The following RABGAP1L variants were observed in gnomAD, a reference collection of about 807,000 sequenced individuals.
The protein encoded by RABGAP1L is RAB GTPase activating protein 1 like, also known as rab GTPase-activating protein 1-like.
Under a neutral mutation model 137.7 loss-of-function variants are expected in RABGAP1L, and 63 were observed. The ratio of observed to expected loss-of-function variants is 0.46; its 90% CI spans 0.37 to 0.56. The LOEUF (loss-of-function observed/expected upper bound fraction) is 0.56, where lower values mean the gene tolerates loss of function less well. RABGAP1L is among the 20% of genes least tolerant of loss of function. The pLI is 0.00. For missense variants in RABGAP1L, 1,095 were observed against 1,244.0 expected (o/e 0.88, Z 1.80); for synonymous variants, 431 against 433.7 (o/e 0.99, Z 0.08).
At chr1:174,312,195 AT>A (rs1368851532) in intron 11 of RABGAP1L, among the ~76,000 whole-genome samples, 1 of 152,164 alleles carries the variant, frequency 6.6e-6, no homozygotes. Context: ...GGTTGTACTA[AT>A]TTACATTTCC....
chr1:174,938,672 A>G (rs1473935227), intron 19 of RABGAP1L: 4 of 152,204 alleles, frequency 2.6e-5, no homozygotes, highest in Admixed American at 6.5e-5. Context: ...TAGGGAAAAC[A>G]TCATTTAAAA....
At chr1:174,688,279 C>A (rs1411998282) in intron 15 of RABGAP1L, among the ~76,000 whole-genome samples, 2 of 151,860 alleles carry the variant, frequency 1.3e-5, no homozygotes, top group Non-Finnish European at 2.9e-5. Context: ...AATTTTTCTA[C>A]AATATTTATT....
intron 19 of RABGAP1L, among the ~76,000 whole-genome samples, chr1:174,920,704 A>G (rs184599217): frequency 5.9e-5 from 9 of 152,310 alleles, no homozygotes; most frequent in Admixed American, 2.6e-4. Context: ...TTCTAATCCA[A>G]TATGATTAGT....
At chr1:174,394,691 C>G (rs966513973) in intron 13 of RABGAP1L, among the ~76,000 whole-genome samples, 1 of 152,022 alleles carries the variant, frequency 6.6e-6, no homozygotes, top group African/African-American at 2.4e-5. Flanking sequence ...GGACTCACCA[C>G]CCTAGGTCTT....
intron 13 of RABGAP1L, among the ~76,000 whole-genome samples, chr1:174,570,040 T>C (rs1297495283): frequency 6.6e-6 from 1 of 152,166 alleles, no homozygotes; most frequent in Non-Finnish European, 1.5e-5. Context: ...AAACCATTGA[T>C]ATAAGGTAAG....
chr1:174,383,347 A>G lies in RABGAP1L; in HGVS notation c.1560-10648A>G, dbSNP rs1470046884. ...TTCGAGCTTCCTGGCTGCTTTGTTT[A>G]CCTAAGCAAGCCTGGGCAATGGCGG... On this transcript the variant is annotated intron_variant, in intron 12 of 25. Transcript: ENST00000681986. 2.0e-5 allele frequency among the ~76,000 whole-genome samples: 3 copies of G among 151,586 alleles called. No individual in the cohort carries two copies. In the East Asian group the frequency reaches 5.8e-4, roughly 29 times the overall value.
At chr1:174,313,960 ACTTTT>A (rs888730474) in intron 11 of RABGAP1L, among the ~76,000 whole-genome samples, 2 of 151,936 alleles carry the variant, frequency 1.3e-5, no homozygotes, top group Non-Finnish European at 1.5e-5. Flanking sequence ...ATTGGCCTAT[ACTTTT>A]CTTTTTTTTG....
At chr1:174,186,092 C>A in intron 1 of RABGAP1L, among the ~76,000 whole-genome samples, 1 of 149,044 alleles carries the variant, frequency 6.7e-6, no homozygotes, top group East Asian at 2.0e-4. Flanking sequence ...TGCGGTGAGC[C>A]GAGATTGCGC....
chr1:174,589,680 T>C (rs1279616516), intron 13 of RABGAP1L, among the ~76,000 whole-genome samples: 1 of 152,202 alleles, frequency 6.6e-6, no homozygotes, highest in Non-Finnish European at 1.5e-5. Context: ...TGCATATGGA[T>C]TATTCAGTCT....
At chr1:174,303,705 A>C (rs548742914) in intron 10 of RABGAP1L, among the ~76,000 whole-genome samples, 1 of 152,240 alleles carries the variant, frequency 6.6e-6, no homozygotes. Flanking sequence ...TTTTAGGTGC[A>C]ATATTTAGAT....
At chr1:174,943,616 A>G (rs1200429759) in intron 19 of RABGAP1L, among the ~76,000 whole-genome samples, 3 of 152,118 alleles carry the variant, frequency 2.0e-5, no homozygotes, top group African/African-American at 7.2e-5. Flanking sequence ...TAGGCGGATC[A>G]CGAGGTCAGG....
At chr1:174,454,551 A>ATTTTTT (rs202016873) in intron 13 of RABGAP1L, among the ~76,000 whole-genome samples, 2 of 132,834 alleles carry the variant, frequency 1.5e-5, no homozygotes, top group African/African-American at 5.7e-5. Context: ...TCACTGTAGG[A>ATTTTTT]TTTTTTTTTT....
At chr1:174,179,430 G>GAA (rs1666171437) in intron 1 of RABGAP1L, among the ~76,000 whole-genome samples, 1 of 152,164 alleles carries the variant, frequency 6.6e-6, no homozygotes, top group South Asian at 2.1e-4. Flanking sequence ...ACTTTGGTGT[G>GAA]CAGCAGAAAT....
At chr1:174,181,712 T>C (rs4652234) in intron 1 of RABGAP1L, among the ~76,000 whole-genome samples, 87,160 of 152,002 alleles carry the variant, frequency 0.57, 27,387 homozygotes, top group African/African-American at 0.85. Flanking sequence ...CCACAGATAC[T>C]AAGGGACTGT....
Position 174,278,609 on chromosome 1 carries a change from A to G in RABGAP1L, c.1157-4A>G, listed in dbSNP as rs372271185. ...GCATAAAACCCAGAAAATTTCTACT[A>G]CAGATAAGCAAGTATACATGACTGT... On this transcript the variant is annotated splice_region_variant and splice_polypyrimidine_tract_variant and intron_variant, in intron 9 of 25. Coordinates refer to ENST00000681986, the MANE Select transcript of RABGAP1L (RefSeq NM_001366446.1). 3.1e-6 allele frequency: 5 copies of G among 1,601,586 alleles called. No homozygotes were observed. Among genetic ancestry groups the G allele is most frequent in the African/African-American group, 2.7e-5 (2 of 73,984 alleles).
intron 19 of RABGAP1L, among the ~76,000 whole-genome samples, chr1:174,888,136 G>T (rs1655488624): frequency 6.6e-6 from 1 of 152,106 alleles, no homozygotes; most frequent in African/African-American, 2.4e-5. Context: ...GCAAGAAATG[G>T]TAGTGAGGCT....
intron 10 of RABGAP1L, among the ~76,000 whole-genome samples, chr1:174,296,082 G>T (rs533921604): frequency 2.6e-5 from 4 of 152,130 alleles, no homozygotes; most frequent in Non-Finnish European, 5.9e-5. Flanking sequence ...ACAGATCTGG[G>T]GGTAAAATCA....
intron 14 of RABGAP1L, among the ~76,000 whole-genome samples, chr1:174,664,734 C>CTTTTTTTTTTTTTTTTTTTTTTTTTT (rs71701825): frequency 2.0e-5 from 2 of 97,574 alleles, no homozygotes; most frequent in African/African-American, 1.0e-4. Context: ...TTTCTGCTTT[C>CTTTTTTTTTTTTTTTTTTTTTTTTTT]TTTTTTTTTT....
intron 20 of RABGAP1L, among the ~76,000 whole-genome samples, chr1:174,964,588 A>G (rs1669449173): frequency 6.6e-6 from 1 of 152,228 alleles, no homozygotes; most frequent in Non-Finnish European, 1.5e-5. Context: ...ACCTTGTCAT[A>G]TAAGGAAGTT....
Sources: gnomAD v4.1 joint callset for allele counts (sites outside exome capture counted in the v4.1 genomes callset) on GRCh38, gnomAD v4.1.1 for gene constraint, MANE v1.5 for transcripts, NCBI Gene and HGNC (gene_info 2026-07-23, HGNC 2026-07-21) for gene names.